SLC44A5: variants seen among roughly 807,000 people sequenced by gnomAD.
SLC44A5 encodes the protein solute carrier family 44 member 5, also known as choline transporter-like protein 5.
SLC44A5 carries 57 observed loss-of-function variants against 101.8 expected under a neutral mutation model. The observed-to-expected ratio is 0.56, with a 90% CI of 0.45 to 0.70. The LOEUF (loss-of-function observed/expected upper bound fraction) is 0.70. SLC44A5 is among the 30% of genes least tolerant of loss of function. SLC44A5 has a pLI of 0.00. For synonymous variants in SLC44A5, 281 were observed against 290.9 expected, an observed-to-expected ratio of 0.97 and a Z score of 0.35; for missense variants, 737 against 853.1, an observed-to-expected ratio of 0.86 and a Z score of 1.70.
chr1:75,311,522 T>C (rs972758440), intron 4 of SLC44A5: 18 of 982,268 alleles, frequency 1.8e-5, no homozygotes, highest in Non-Finnish European at 2.2e-5. Flanking sequence ...CAATTCAACT[T>C]ACATAACAGG....
chr1:75,499,873 T>C (rs1668862890), intron 2 of SLC44A5, among the ~76,000 whole-genome samples: 2 of 152,220 alleles, frequency 1.3e-5, no homozygotes, highest in Admixed American at 1.3e-4. Flanking sequence ...TACTGCACTT[T>C]CTAGCCTCCT....
chr1:75,571,986 G>A (rs1436979327), intron 1 of SLC44A5, among the ~76,000 whole-genome samples: 1 of 152,148 alleles, frequency 6.6e-6, no homozygotes, highest in Non-Finnish European at 1.5e-5. Flanking sequence ...GTGAATTTAT[G>A]CTTTCAAAGT....
chr1:75,387,691 C>T lies in SLC44A5; in HGVS notation c.52+8892G>A, dbSNP rs1321543938. ...ATCTAGAACTAGAAATACCATTTGA[C>T]CCAGCCATCCCATTACTGGGTATAT... is the stretch of plus-strand genomic sequence containing the variant. On this transcript the variant is annotated intron_variant, in intron 3 of 23. Transcript: ENST00000370859. 4.4e-3 allele frequency among the ~76,000 whole-genome samples: 447 copies of T among 101,962 alleles called. 2 individuals are homozygous for T. The highest frequency in any genetic ancestry group is 0.028 in the Admixed American group (244 of 8,672). The allele number at this position is 101,962 out of a possible 152,430, so 66.9% of individuals were successfully genotyped here.
In SLC44A5 at chr1:75,528,023, G is replaced by A. The variant is rs567371607; in HGVS notation, c.13+13412C>T. 6.6e-4 allele frequency among the ~76,000 whole-genome samples: 100 copies of A among 152,288 alleles called. 1 individual carries two copies. Among genetic ancestry groups the A allele is most frequent in the Non-Finnish European group, 1.3e-4 (9 of 68,026 alleles). ...ACATTTTGTACTTTGGGGTTCAACT[G>A]TGTTGGTCTTTTCTAATCCTACTAT... On this transcript the variant is annotated intron_variant, in intron 2 of 23. Transcript: ENST00000370859.
intron 3 of SLC44A5, among the ~76,000 whole-genome samples, chr1:75,386,392 A>C (rs1334608583): frequency 6.6e-6 from 1 of 152,204 alleles, no homozygotes; most frequent in African/African-American, 2.4e-5. Context: ...TGCAAAAATC[A>C]CAAGCATTCC....
intron 2 of SLC44A5, among the ~76,000 whole-genome samples, chr1:75,441,841 T>C (rs1442555774): frequency 2.0e-5 from 3 of 152,104 alleles, no homozygotes; most frequent in East Asian, 1.9e-4. Flanking sequence ...TATTAGGAGA[T>C]TTTGACATGC....
the SLC44A5 span, among the ~76,000 whole-genome samples, chr1:75,669,472 C>T: frequency 3.1e-3 from 478 of 152,254 alleles, 2 homozygotes; most frequent in Non-Finnish European, 4.8e-3. Context: ...ATAGTCTCAC[C>T]CAGTGGAGGA....
chr1:75,523,804 A>C (rs1352683249), intron 2 of SLC44A5, among the ~76,000 whole-genome samples: 1 of 152,206 alleles, frequency 6.6e-6, no homozygotes, highest in Non-Finnish European at 1.5e-5. Context: ...GGAGAGTGGC[A>C]ATGCTACTGG....
At chr1:75,523,836 G>A (rs1458179515) in intron 2 of SLC44A5, among the ~76,000 whole-genome samples, 1 of 152,176 alleles carries the variant, frequency 6.6e-6, no homozygotes, top group Non-Finnish European at 1.5e-5. Context: ...CAGAGGCCAA[G>A]GTTGCTGCTA....
At chr1:75,435,384 C>A (rs780189607) in intron 2 of SLC44A5, among the ~76,000 whole-genome samples, 4 of 152,224 alleles carry the variant, frequency 2.6e-5, no homozygotes, top group African/African-American at 4.8e-5. Flanking sequence ...CGTTTTAAAT[C>A]ATTAATCTTT....
At chr1:75,325,066 G>A (rs1428694739) in intron 4 of SLC44A5, among the ~76,000 whole-genome samples, 1 of 152,010 alleles carries the variant, frequency 6.6e-6, no homozygotes, top group Non-Finnish European at 1.5e-5. Flanking sequence ...ACACAAACAA[G>A]TAAACAAAAA....
chr1:75,274,765 CT>C (rs1651778745), intron 6 of SLC44A5, among the ~76,000 whole-genome samples, 192 bp downstream of exon 6: 1 of 152,162 alleles, frequency 6.6e-6, no homozygotes, highest in African/African-American at 2.4e-5. Flanking sequence ...CTGCATAACA[CT>C]GACATCATGT....
the SLC44A5 span, among the ~76,000 whole-genome samples, chr1:75,673,794 GA>G: frequency 2.0e-5 from 3 of 152,068 alleles, no homozygotes; most frequent in Non-Finnish European, 2.9e-5. Flanking sequence ...AATTCTCCTG[GA>G]TCTTACCTAA....
chr1:75,398,012 G>A (rs1461371953), intron 2 of SLC44A5, among the ~76,000 whole-genome samples: 2 of 151,952 alleles, frequency 1.3e-5, no homozygotes, highest in Non-Finnish European at 2.9e-5. Context: ...AATATAAAAT[G>A]GCCATCCCTT....
At chr1:75,337,103 T>C (rs1505258) in intron 4 of SLC44A5, among the ~76,000 whole-genome samples, 65,758 of 151,930 alleles carry the variant, frequency 0.43, 14,894 homozygotes, top group East Asian at 0.85. Context: ...AGTGTAATAA[T>C]GCTATGGCCG....
chr1:75,493,668 G>T (rs11163494), intron 2 of SLC44A5, among the ~76,000 whole-genome samples: 24,815 of 152,002 alleles, frequency 0.16, 2,409 homozygotes, highest in African/African-American at 0.26. Context: ...ACTGTCATCA[G>T]GAATAAAGAT....
chr1:75,589,800 C>A (rs1177057612), intron 1 of SLC44A5, among the ~76,000 whole-genome samples: 2 of 152,104 alleles, frequency 1.3e-5, no homozygotes, highest in Admixed American at 1.3e-4. Flanking sequence ...CAGTGATGTT[C>A]TGTGAGAGCA....
chr1:75,360,831 C>A (rs560822602), intron 3 of SLC44A5, among the ~76,000 whole-genome samples: 7 of 152,192 alleles, frequency 4.6e-5, no homozygotes, highest in African/African-American at 1.7e-4. Flanking sequence ...AATTGTTTAT[C>A]TCTATTTGTG....
chr1:75,482,274 GT>G (rs1667911527), intron 2 of SLC44A5, among the ~76,000 whole-genome samples: 1 of 151,340 alleles, frequency 6.6e-6, no homozygotes, highest in African/African-American at 2.4e-5. Context: ...CTGTTGTGGG[GT>G]GGGGGGACGG....
Sources: allele counts gnomAD v4.1 joint callset (sites outside exome capture counted in the v4.1 genomes callset), GRCh38; gene constraint gnomAD v4.1.1; transcripts MANE v1.5; gene names NCBI Gene and HGNC (gene_info 2026-07-23, HGNC 2026-07-21).